GALNT13: variants seen among roughly 807,000 people sequenced by gnomAD.
GALNT13 encodes the protein UDP-GalNAc:polypeptide N-acetylgalactosaminyltransferase 13.
Under a neutral mutation model 64.2 loss-of-function variants are expected in GALNT13, and 28 were observed. The observed-to-expected ratio is 0.44, with a 90% CI of 0.32 to 0.60. The LOEUF is 0.60. GALNT13 is among the 20% of genes least tolerant of loss of function. The pLI, the probability that GALNT13 is intolerant of heterozygous loss-of-function variation, is 0.05. For missense variants in GALNT13, 577 were observed against 669.8 expected (o/e 0.86, Z 1.53); for synonymous variants, 214 against 224.6 (o/e 0.95, Z 0.42).
intron 3 of GALNT13, among the ~76,000 whole-genome samples, chr2:154,097,501 A>G: frequency 6.6e-6 from 1 of 152,128 alleles, no homozygotes. Context: ...TAAAGATAAT[A>G]TACACTGTTT....
intron 3 of GALNT13, among the ~76,000 whole-genome samples, chr2:154,036,907 TA>T (rs983653220): frequency 2.0e-5 from 3 of 151,964 alleles, no homozygotes; most frequent in Admixed American, 6.6e-5. Flanking sequence ...TATCTGTATT[TA>T]AAAAAAATCT....
intron 3 of GALNT13, among the ~76,000 whole-genome samples, chr2:153,979,272 G>C (rs1694292176): frequency 6.6e-6 from 1 of 152,084 alleles, no homozygotes; most frequent in Non-Finnish European, 1.5e-5. Flanking sequence ...AAATCTTAGT[G>C]ATTCAGCTAG....
At chr2:153,811,040 A>G in the GALNT13 span, among the ~76,000 whole-genome samples, 1 of 152,178 alleles carries the variant, frequency 6.6e-6, no homozygotes, top group African/African-American at 2.4e-5. Context: ...CCCTATTACT[A>G]AGGCTGTAGT....
At chr2:153,210,506 G>A in the GALNT13 span, among the ~76,000 whole-genome samples, 3 of 152,064 alleles carry the variant, frequency 2.0e-5, no homozygotes, top group Non-Finnish European at 4.4e-5. Context: ...AAACACTAGT[G>A]GATCATGATA....
chr2:153,669,646 G>A, the GALNT13 span, among the ~76,000 whole-genome samples: 1 of 152,162 alleles, frequency 6.6e-6, no homozygotes, highest in Non-Finnish European at 1.5e-5. Flanking sequence ...ATTTCCAACT[G>A]TGGTATCTTG....
intron 3 of GALNT13, among the ~76,000 whole-genome samples, chr2:153,975,361 C>T (rs1694010200): frequency 6.6e-6 from 1 of 152,060 alleles, no homozygotes; most frequent in South Asian, 2.1e-4. Flanking sequence ...AATATGCATC[C>T]TGACCTGAGA....
upstream of GALNT13, among the ~76,000 whole-genome samples, chr2:153,868,664 T>C (rs898347133): frequency 2.0e-5 from 3 of 152,214 alleles, no homozygotes; most frequent in African/African-American, 2.4e-5. Context: ...TAATGGACAA[T>C]TGTAGCTGCT....
At chr2:154,384,327 T>C (rs967076041) in intron 9 of GALNT13, among the ~76,000 whole-genome samples, 1 of 151,938 alleles carries the variant, frequency 6.6e-6, no homozygotes, top group African/African-American at 2.4e-5. Context: ...CCTTTGGTTA[T>C]TCATGATGCA....
chr2:154,149,218 A>G (rs866763811), intron 4 of GALNT13, among the ~76,000 whole-genome samples: 9 of 152,182 alleles, frequency 5.9e-5, no homozygotes, highest in African/African-American at 1.2e-4. Context: ...TCTCAGGTTT[A>G]TCAAAGATCA....
At chr2:153,462,199 G>T in the GALNT13 span, among the ~76,000 whole-genome samples, 1 of 151,574 alleles carries the variant, frequency 6.6e-6, no homozygotes. Context: ...AATAAAAATT[G>T]ATATTTCCCT....
At chr2:153,472,279 C>T in the GALNT13 span, among the ~76,000 whole-genome samples, 1 of 152,066 alleles carries the variant, frequency 6.6e-6, no homozygotes, top group South Asian at 2.1e-4. Flanking sequence ...ACTAAAAAAA[C>T]TATAACCTTC....
At chr2:153,746,592 A>T in the GALNT13 span, among the ~76,000 whole-genome samples, 2 of 152,270 alleles carry the variant, frequency 1.3e-5, no homozygotes, top group East Asian at 3.9e-4. Context: ...TAGTGCTGCT[A>T]TGAACATTTT....
intron 1 of GALNT13, among the ~76,000 whole-genome samples, chr2:153,879,242 A>G (rs758913344): frequency 6.6e-6 from 1 of 152,180 alleles, no homozygotes; most frequent in Non-Finnish European, 1.5e-5. Flanking sequence ...TAGTATTCTT[A>G]TTTTAGAGAC....
chr2:153,902,223 A>C (rs1341285981), intron 2 of GALNT13, among the ~76,000 whole-genome samples: 1 of 152,160 alleles, frequency 6.6e-6, no homozygotes, highest in Non-Finnish European at 1.5e-5. Flanking sequence ...GAATGGATTA[A>C]ATCGTTCATG....
chr2:153,923,711 C>T (rs1197824323), intron 2 of GALNT13, among the ~76,000 whole-genome samples: 1 of 145,934 alleles, frequency 6.9e-6, no homozygotes, highest in Non-Finnish European at 1.5e-5. Flanking sequence ...CCACAACAGG[C>T]CCCCATGTGT....
chr2:153,791,353 TA>T, the GALNT13 span, among the ~76,000 whole-genome samples: 1 of 152,154 alleles, frequency 6.6e-6, no homozygotes, highest in Non-Finnish European at 1.5e-5. Context: ...TAATGGTTAT[TA>T]TTAAGTTGGT....
At chr2:153,949,137 G>A (rs1477796317) in intron 3 of GALNT13, among the ~76,000 whole-genome samples, 2 of 152,078 alleles carry the variant, frequency 1.3e-5, no homozygotes, top group Non-Finnish European at 2.9e-5. Flanking sequence ...AGGAGCAATA[G>A]GCTATACCAT....
chr2:153,556,879 T>A, the GALNT13 span, among the ~76,000 whole-genome samples: 2 of 152,166 alleles, frequency 1.3e-5, no homozygotes, highest in African/African-American at 4.8e-5. Context: ...GGCTAAGGAC[T>A]TCCATATTTC....
chr2:153,210,922 TA>T, the GALNT13 span, among the ~76,000 whole-genome samples: 1 of 152,186 alleles, frequency 6.6e-6, no homozygotes, highest in East Asian at 1.9e-4. Flanking sequence ...GGTAACAATA[TA>T]ATAGTAATAA....
Sources: allele counts gnomAD v4.1 joint callset (sites outside exome capture counted in the v4.1 genomes callset), GRCh38; gene constraint gnomAD v4.1.1; transcripts MANE v1.5; gene names NCBI Gene and HGNC (gene_info 2026-07-23, HGNC 2026-07-21).